The following SLC23A2 variants were observed in gnomAD, a reference collection of about 807,000 sequenced individuals.
SLC23A2 encodes solute carrier family 23 member 2, also known as Na(+)/L-ascorbic acid transporter 2.
Under a neutral mutation model 73.3 loss-of-function variants are expected in SLC23A2, and 36 were observed. That is an observed-to-expected ratio of 0.49 (90% CI 0.38 to 0.65). SLC23A2 has a LOEUF of 0.65. SLC23A2 is among the 30% of genes least tolerant of loss of function. The probability of loss-of-function intolerance (pLI) is 0.00; values close to 1 mark genes in which losing one functional copy is unlikely to be tolerated. For synonymous variants in SLC23A2, 343 were observed against 327.3 expected (o/e 1.05, Z -0.52); for missense variants, 507 against 841.6 (o/e 0.60, Z 4.92).
At chr20:4,915,689 T>C (rs1259737621) in intron 3 of SLC23A2, among the ~76,000 whole-genome samples, 5 of 152,232 alleles carry the variant, frequency 3.3e-5, no homozygotes, top group Non-Finnish European at 7.3e-5. Flanking sequence ...GGCTCATGCC[T>C]GTAATCCCAG....
chr20:4,945,032 A>G (rs1161585142), intron 2 of SLC23A2, among the ~76,000 whole-genome samples: 1 of 151,932 alleles, frequency 6.6e-6, no homozygotes, highest in African/African-American at 2.4e-5. Flanking sequence ...TTCAACTTGT[A>G]TATGATCAAC....
At position 4,929,847 on chromosome 20, in the gene SLC23A2, C is replaced by G. The variant is rs186377775; in HGVS notation, c.108+2608G>C. Among the ~76,000 whole-genome samples the G allele has an allele frequency of 7.0e-4, 106 of 152,280 alleles. 1 individual carries two copies. The highest frequency in any genetic ancestry group is 1.8e-3 in the Admixed American group (28 of 15,288). On this transcript the variant is annotated intron_variant, in intron 3 of 16. Coordinates refer to ENST00000338244, the MANE Select transcript of SLC23A2 (RefSeq NM_005116.6). ...ATACCCAAATCATTAGAGAAAGCAG[C>G]TAAAGAGAAATGAGGACAGGCTGGA...
chr20:4,924,099 A>T (rs372596413), intron 3 of SLC23A2, among the ~76,000 whole-genome samples: 185 of 152,124 alleles, frequency 1.2e-3, no homozygotes, highest in African/African-American at 4.2e-3. Flanking sequence ...CACAGCTCTG[A>T]GCCGCATCGC....
chr20:4,916,960 AC>A (rs1236049521), intron 3 of SLC23A2, among the ~76,000 whole-genome samples: 2 of 152,116 alleles, frequency 1.3e-5, no homozygotes, highest in East Asian at 3.9e-4. Context: ...TAGGGGTGTA[AC>A]TCTGTCATAA....
intron 3 of SLC23A2, among the ~76,000 whole-genome samples, chr20:4,929,665 T>C (rs1932764085): frequency 6.6e-6 from 1 of 151,946 alleles, no homozygotes; most frequent in Non-Finnish European, 1.5e-5. Context: ...ATATAAGAAA[T>C]TAAGGACCAA....
At chr20:4,976,438 G>A (rs1160937328) in intron 1 of SLC23A2, among the ~76,000 whole-genome samples, 1 of 151,984 alleles carries the variant, frequency 6.6e-6, no homozygotes, top group Non-Finnish European at 1.5e-5. Flanking sequence ...CACTTTGGAA[G>A]GCCAACATGG....
At chr20:4,984,558 A>G (rs77471791) in intron 1 of SLC23A2, among the ~76,000 whole-genome samples, 71 of 149,758 alleles carry the variant, frequency 4.7e-4, no homozygotes, top group African/African-American at 1.7e-3. Context: ...GTCTCAAAAG[A>G]AAAAAAAAAG....
At chr20:4,951,048 C>T (rs1419884026) in intron 2 of SLC23A2, among the ~76,000 whole-genome samples, 3 of 152,148 alleles carry the variant, frequency 2.0e-5, no homozygotes, top group Non-Finnish European at 4.4e-5. Context: ...CCGCACATGA[C>T]ACATCCAACC....
intron 1 of SLC23A2, among the ~76,000 whole-genome samples, chr20:4,993,237 TCGTGCCACTGCACTCCAGCCTGGG>T (rs1248927200): frequency 1.2e-4 from 18 of 148,352 alleles, no homozygotes; most frequent in African/African-American, 3.5e-4. Context: ...TGAGCTGAGA[TCGTGCCACTGCACTCCAGCCTGGG>T]CGCGCCACTG....
chr20:4,941,399 C>A (rs1046453623), intron 2 of SLC23A2, among the ~76,000 whole-genome samples: 2 of 151,962 alleles, frequency 1.3e-5, no homozygotes, highest in Non-Finnish European at 2.9e-5. Context: ...AGCCAGAAAA[C>A]AAAACAATAC....
At chr20:4,967,645 A>C (rs774260438) in intron 2 of SLC23A2, among the ~76,000 whole-genome samples, 1 of 152,246 alleles carries the variant, frequency 6.6e-6, no homozygotes, top group Non-Finnish European at 1.5e-5. Flanking sequence ...CGTCAACAGC[A>C]CAAAGTCTAT....
intron 1 of SLC23A2, among the ~76,000 whole-genome samples, chr20:4,999,540 G>A (rs1412503144): frequency 2.0e-5 from 3 of 150,168 alleles, no homozygotes; most frequent in African/African-American, 7.4e-5. Flanking sequence ...TTTTAAGCTG[G>A]CCGCCATACT....
chr20:4,962,927 G>C (rs2087415363), intron 2 of SLC23A2, among the ~76,000 whole-genome samples: 1 of 152,132 alleles, frequency 6.6e-6, no homozygotes, highest in South Asian at 2.1e-4. Flanking sequence ...GAACCAGGGA[G>C]GCGGAGGTTG....
chr20:4,955,748 C>T (rs1365328582), intron 2 of SLC23A2, among the ~76,000 whole-genome samples: 2 of 151,680 alleles, frequency 1.3e-5, no homozygotes, highest in East Asian at 1.9e-4. Context: ...GAGATGGGGC[C>T]GCTGTACTCC....
At position 4,857,188 on chromosome 20, in the gene SLC23A2, T is replaced by C. The variant is rs1036070726; in HGVS notation, c.1737A>G (p.Arg579=). 1 of 1,605,022 alleles carries C rather than the reference T, an allele frequency of 6.2e-7. No homozygotes were observed. The highest frequency in any genetic ancestry group is 8.5e-7 in the Non-Finnish European group (1 of 1,174,024). ...DNTIPGTPEE[R]GIRKWKKGVG... ...CACCCTTCTTCCATTTCCGGATTCCTCTTTCCTCTGGAGTGCCTGTCACAC... is the reference window on the plus strand; with the variant it reads ...CACCCTTCTTCCATTTCCGGATTCCCCTTTCCTCTGGAGTGCCTGTCACAC... Residue 579 remains arginine (R), a synonymous_variant, in exon 17 of 17, where the codon AGA becomes AGG. Coordinates refer to ENST00000338244, the MANE Select transcript of SLC23A2 (RefSeq NM_005116.6). The surrounding 1 kb of genome is among the most constrained non-coding windows in gnomAD (Gnocchi z 4.0).
At chr20:4,938,221 G>A (rs1046536475) in intron 2 of SLC23A2, among the ~76,000 whole-genome samples, 1 of 151,444 alleles carries the variant, frequency 6.6e-6, no homozygotes, top group Non-Finnish European at 1.5e-5. Flanking sequence ...GTTTCACAAT[G>A]TTGCCCAGGG....
At chr20:4,930,103 C>A (rs911725371) in intron 3 of SLC23A2, among the ~76,000 whole-genome samples, 1 of 152,194 alleles carries the variant, frequency 6.6e-6, no homozygotes, top group African/African-American at 2.4e-5. Context: ...ACAAGTTTAA[C>A]CTAGAATAAG....
chr20:5,005,867 T>C (rs1484019960), upstream of SLC23A2, among the ~76,000 whole-genome samples: 4 of 151,874 alleles, frequency 2.6e-5, no homozygotes, highest in Non-Finnish European at 1.5e-5. Flanking sequence ...ATGCCTGTAG[T>C]CCCAGCTACT....
At chr20:4,927,221 G>A (rs191304658) in intron 3 of SLC23A2, among the ~76,000 whole-genome samples, 3 of 152,302 alleles carry the variant, frequency 2.0e-5, no homozygotes, top group Admixed American at 2.0e-4. Flanking sequence ...CGTCACATGT[G>A]ACTAGCAGCC....
Sources: gnomAD v4.1 joint callset for allele counts (sites outside exome capture counted in the v4.1 genomes callset) on GRCh38, gnomAD v4.1.1 for gene constraint, Gnocchi (gnomAD v3.1) non-coding constraint, MANE v1.5 for transcripts, NCBI Gene and HGNC (gene_info 2026-07-23, HGNC 2026-07-21) for gene names.